The following SYNPR variants were observed in gnomAD, a reference collection of about 807,000 sequenced individuals.
SYNPR encodes the protein synaptoporin.
Under a neutral mutation model 32.9 loss-of-function variants are expected in SYNPR, and 23 were observed. The ratio of observed to expected loss-of-function variants is 0.70; its 90% CI spans 0.50 to 0.99. The LOEUF is 0.99. Ranked by LOEUF, SYNPR falls within the 50% of genes least tolerant of loss-of-function variation. The probability of loss-of-function intolerance (pLI) is 0.00; values close to 1 mark genes in which losing one functional copy is unlikely to be tolerated. For synonymous variants in SYNPR, 146 were observed against 135.9 expected (o/e 1.07, Z -0.52); for missense variants, 318 against 349.3 (o/e 0.91, Z 0.71).
chr3:63,219,040 T>C, the SYNPR span, among the ~76,000 whole-genome samples: 60 of 152,286 alleles, frequency 3.9e-4, no homozygotes, highest in East Asian at 0.011. Context: ...ACCAAGAAAA[T>C]AACCAAATAA....
intron 2 of SYNPR, among the ~76,000 whole-genome samples, chr3:63,305,394 G>A (rs552774731): frequency 5.3e-5 from 8 of 152,080 alleles, no homozygotes; most frequent in South Asian, 2.1e-4. Context: ...GGACAAATTC[G>A]TTACCCAGCA....
chr3:63,443,695 G>A (rs906649755), intron 2 of SYNPR, among the ~76,000 whole-genome samples: 6 of 152,194 alleles, frequency 3.9e-5, no homozygotes, highest in Admixed American at 3.9e-4. Context: ...GTTTAAGTAT[G>A]TGCTGGGTTT....
chr3:63,231,367 T>C (rs887915421), intron 1 of SYNPR, among the ~76,000 whole-genome samples: 1 of 152,008 alleles, frequency 6.6e-6, no homozygotes, highest in Admixed American at 6.6e-5. Context: ...AGACTACATA[T>C]TGGATACAAT....
chr3:63,201,335 C>A, the SYNPR span, among the ~76,000 whole-genome samples: 1 of 152,164 alleles, frequency 6.6e-6, no homozygotes, highest in African/African-American at 2.4e-5. Flanking sequence ...TGGGCAAAGT[C>A]ATCTGTACTG....
the SYNPR span, among the ~76,000 whole-genome samples, chr3:63,204,644 C>A: frequency 2.6e-5 from 4 of 152,086 alleles, no homozygotes; most frequent in Non-Finnish European, 5.9e-5. Context: ...TCTTCGCTAC[C>A]ACAGCCTCAC....
intron 2 of SYNPR, among the ~76,000 whole-genome samples, chr3:63,453,692 C>A (rs1164952906): frequency 1.3e-5 from 2 of 152,108 alleles, no homozygotes; most frequent in African/African-American, 4.8e-5. Flanking sequence ...AAGTTCAAAT[C>A]CTTGCTCCCA....
At chr3:63,513,051 C>G (rs1331539587) in intron 3 of SYNPR, among the ~76,000 whole-genome samples, 2 of 151,976 alleles carry the variant, frequency 1.3e-5, no homozygotes, top group Non-Finnish European at 2.9e-5. Context: ...AGACTGAGGG[C>G]CAGTCTTCCT....
At chr3:63,561,033 C>T (rs992872016) in intron 4 of SYNPR, among the ~76,000 whole-genome samples, 4 of 152,212 alleles carry the variant, frequency 2.6e-5, no homozygotes, top group Non-Finnish European at 5.9e-5. Flanking sequence ...TTCTTCAAGT[C>T]AAACTTTGAA....
chr3:63,563,296 T>G (rs1434622319), intron 4 of SYNPR, among the ~76,000 whole-genome samples: 4 of 152,134 alleles, frequency 2.6e-5, no homozygotes, highest in Non-Finnish European at 1.5e-5. Context: ...GACTGGGAGG[T>G]AGACTTTAAA....
At chr3:63,264,206 C>A (rs957755391) in intron 2 of SYNPR, among the ~76,000 whole-genome samples, 1 of 151,858 alleles carries the variant, frequency 6.6e-6, no homozygotes, top group Non-Finnish European at 1.5e-5. Flanking sequence ...GGTAAAGAAC[C>A]CAGGGGTTCC....
At chr3:63,565,463 C>G (rs1702765023) in intron 4 of SYNPR, among the ~76,000 whole-genome samples, 1 of 152,158 alleles carries the variant, frequency 6.6e-6, no homozygotes, top group Admixed American at 6.5e-5. Flanking sequence ...ACTGCGTCCT[C>G]ACGTGGTAGA....
intron 2 of SYNPR, among the ~76,000 whole-genome samples, chr3:63,374,211 T>G (rs1176646526): frequency 6.6e-6 from 1 of 152,232 alleles, no homozygotes; most frequent in African/African-American, 2.4e-5. Context: ...TGAAATATGT[T>G]CCTTTAATGC....
chr3:63,202,413 G>A, the SYNPR span, among the ~76,000 whole-genome samples: 1 of 152,172 alleles, frequency 6.6e-6, no homozygotes, highest in African/African-American at 2.4e-5. Context: ...ATGATGCCCA[G>A]ATGGGAGAAG....
chr3:63,454,095 TG>T (rs1171273810), intron 2 of SYNPR, among the ~76,000 whole-genome samples: 1 of 152,136 alleles, frequency 6.6e-6, no homozygotes, highest in Non-Finnish European at 1.5e-5. Flanking sequence ...ACCAGGAGCT[TG>T]CCCAAACACT....
intron 2 of SYNPR, among the ~76,000 whole-genome samples, chr3:63,263,764 T>C (rs1210605994): frequency 6.6e-6 from 1 of 152,134 alleles, no homozygotes; most frequent in Admixed American, 6.5e-5. Flanking sequence ...GTGGGTTTCC[T>C]AGAAAAAGCA....
chr3:63,556,762 A>G (rs1349568600), intron 4 of SYNPR, 21 bp downstream of exon 4: 7 of 1,588,806 alleles, frequency 4.4e-6, no homozygotes, highest in Non-Finnish European at 6.0e-6. Flanking sequence ...TTCTTTTTCA[A>G]ATAACTTTTT....
At chr3:63,477,441 G>A (rs983407803) in intron 2 of SYNPR, among the ~76,000 whole-genome samples, 1 of 152,204 alleles carries the variant, frequency 6.6e-6, no homozygotes, top group Non-Finnish European at 1.5e-5. Context: ...CATGCTCAGG[G>A]TCAGGTTCCT....
intron 2 of SYNPR, among the ~76,000 whole-genome samples, chr3:63,450,916 T>C (rs1003234717): frequency 6.6e-6 from 1 of 152,170 alleles, no homozygotes; most frequent in Non-Finnish European, 1.5e-5. Flanking sequence ...GCCTTTCAAG[T>C]ATATTGCTCT....
chr3:63,601,222 G>A (rs1211509211), intron 4 of SYNPR, among the ~76,000 whole-genome samples: 2 of 150,846 alleles, frequency 1.3e-5, no homozygotes, highest in African/African-American at 4.9e-5. Flanking sequence ...GTGGTGAGCC[G>A]AGATCGTGCC....
Sources: gnomAD v4.1 joint callset for allele counts (sites outside exome capture counted in the v4.1 genomes callset) on GRCh38, gnomAD v4.1.1 for gene constraint, MANE v1.5 for transcripts, NCBI Gene and HGNC (gene_info 2026-07-23, HGNC 2026-07-21) for gene names.